The following OPCML variants were observed in gnomAD, a reference collection of about 807,000 sequenced individuals.
The protein encoded by OPCML is opioid binding protein/cell adhesion molecule like.
Under a neutral mutation model 37.8 loss-of-function variants are expected in OPCML, and 13 were observed. The ratio of observed to expected loss-of-function variants is 0.34; its 90% CI spans 0.22 to 0.55. The LOEUF (loss-of-function observed/expected upper bound fraction) is 0.55. Among genes scored for constraint, OPCML ranks in the 20% least tolerant of loss-of-function variants. OPCML has a pLI of 0.91. For synonymous variants in OPCML, 176 were observed against 168.8 expected, an observed-to-expected ratio of 1.04 and a Z score of -0.33; for missense variants, 341 against 435.6, an observed-to-expected ratio of 0.78 and a Z score of 1.93.
intron 3 of OPCML, among the ~76,000 whole-genome samples, chr11:132,623,977 T>C (rs991168187): frequency 1.3e-5 from 2 of 152,210 alleles, no homozygotes; most frequent in African/African-American, 2.4e-5. Context: ...ATTTAACATA[T>C]GTTGGTGCTC....
chr11:132,671,803 T>G (rs1350473478), intron 2 of OPCML, among the ~76,000 whole-genome samples: 2 of 144,794 alleles, frequency 1.4e-5, no homozygotes, highest in Non-Finnish European at 3.1e-5. Context: ...ATAAATAAGT[T>G]GAGAAAGAAA....
At chr11:132,455,470 G>A (rs923477715) in intron 4 of OPCML, among the ~76,000 whole-genome samples, 9 of 152,162 alleles carry the variant, frequency 5.9e-5, no homozygotes, top group Non-Finnish European at 1.3e-4. Flanking sequence ...AGGTTCCCGT[G>A]GGCAAAGGTT....
intron 1 of OPCML, among the ~76,000 whole-genome samples, chr11:133,325,092 C>T (rs1255637503): frequency 6.6e-6 from 1 of 152,162 alleles, no homozygotes; most frequent in Non-Finnish European, 1.5e-5. Flanking sequence ...AAGGTCTTGG[C>T]CTCAGTCCTT....
intron 1 of OPCML, among the ~76,000 whole-genome samples, chr11:133,050,392 G>A (rs1364599274): frequency 6.6e-6 from 1 of 152,124 alleles, no homozygotes; most frequent in Non-Finnish European, 1.5e-5. Context: ...TGCCTGTAAT[G>A]AGCAAATTAT....
chr11:133,336,336 C>A (rs1943743015), intron 1 of OPCML, among the ~76,000 whole-genome samples: 1 of 151,268 alleles, frequency 6.6e-6, no homozygotes, highest in African/African-American at 2.4e-5. Flanking sequence ...CTCTTTGGGT[C>A]TCACAGAATT....
chr11:133,458,286 A>G (rs1203386214), intron 1 of OPCML, among the ~76,000 whole-genome samples: 2 of 78,650 alleles, frequency 2.5e-5, no homozygotes, highest in Non-Finnish European at 4.1e-5. Flanking sequence ...ACACATATAT[A>G]CACGTGTGTG....
intron 1 of OPCML, among the ~76,000 whole-genome samples, chr11:133,051,603 C>T (rs1948132928): frequency 6.6e-6 from 1 of 152,222 alleles, no homozygotes; most frequent in Non-Finnish European, 1.5e-5. Flanking sequence ...CCCAGCAGCA[C>T]ATGGCTATCT....
At chr11:132,638,662 G>A (rs1279995283) in intron 3 of OPCML, among the ~76,000 whole-genome samples, 2 of 152,006 alleles carry the variant, frequency 1.3e-5, no homozygotes, top group East Asian at 3.9e-4. Flanking sequence ...TTAAATTGCT[G>A]ACTCCATCCA....
intron 1 of OPCML, among the ~76,000 whole-genome samples, chr11:133,455,661 G>A (rs532198465): frequency 6.6e-6 from 1 of 152,324 alleles, no homozygotes; most frequent in Non-Finnish European, 1.5e-5. Context: ...CAGGTACTAT[G>A]TAAAAGTGCT....
intron 7 of OPCML, among the ~76,000 whole-genome samples, chr11:132,431,297 C>T (rs2095996039): frequency 6.6e-6 from 1 of 152,236 alleles, no homozygotes. Flanking sequence ...TCTTGCTCTG[C>T]TTTTCTGTTT....
chr11:132,472,796 G>A (rs2096142177), intron 4 of OPCML, among the ~76,000 whole-genome samples: 1 of 152,238 alleles, frequency 6.6e-6, no homozygotes, highest in African/African-American at 2.4e-5. Flanking sequence ...AGGGGGCAGT[G>A]GAAGCATGGC....
chr11:132,469,582 T>C (rs1228223548), intron 4 of OPCML, among the ~76,000 whole-genome samples: 3 of 132,358 alleles, frequency 2.3e-5, no homozygotes, highest in Admixed American at 8.0e-5. Context: ...TATATGTGTA[T>C]GGATGTATGT....
At chr11:132,936,316 G>A (rs1466821478) in intron 2 of OPCML, among the ~76,000 whole-genome samples, 1 of 152,120 alleles carries the variant, frequency 6.6e-6, no homozygotes, top group African/African-American at 2.4e-5. Flanking sequence ...AAGCATAAAG[G>A]TCTTCTAGGA....
At chr11:132,497,664 T>C (rs960057153) in intron 4 of OPCML, among the ~76,000 whole-genome samples, 6 of 152,016 alleles carry the variant, frequency 3.9e-5, no homozygotes, top group African/African-American at 2.4e-5. Flanking sequence ...ATTTTCCCTA[T>C]GGTAAAGAAC....
At position 133,259,800 on chromosome 11, in the gene OPCML, C is replaced by T. The variant is rs540052864; in HGVS notation, c.61+272464G>A. 1.1e-4 allele frequency among the ~76,000 whole-genome samples: 16 copies of T among 152,320 alleles called. 1 individual carries two copies. The highest frequency in any genetic ancestry group is 3.8e-4 in the African/African-American group (16 of 41,572). On this transcript the variant is annotated intron_variant, in intron 1 of 7. Transcript: ENST00000524381. ...GATAAAGAGGACATCAATCAATGCT[C>T]TATGCCCTGGGAACATTTTTTGTAT...
At position 132,776,120 on chromosome 11, in the gene OPCML, G is replaced by A. The variant is rs146105075; in HGVS notation, c.147-118801C>T. Among the ~76,000 whole-genome samples the A allele has an allele frequency of 6.1e-3, 931 of 152,214 alleles. 8 individuals are homozygous for A. The highest frequency in any genetic ancestry group is 0.021 in the African/African-American group (874 of 41,510). On this transcript the variant is annotated intron_variant, in intron 2 of 7. Coordinates refer to ENST00000524381, the MANE Select transcript of OPCML (RefSeq NM_001012393.5). ...AAGTTTTGTATTTTTATTAAAGACAGGGTTTCACATGTTGGCCAGGCTGGC... is the reference window on the plus strand; with the variant it reads ...AAGTTTTGTATTTTTATTAAAGACAAGGTTTCACATGTTGGCCAGGCTGGC...
chr11:132,520,491 G>A (rs1464752021), intron 4 of OPCML, among the ~76,000 whole-genome samples: 1 of 151,978 alleles, frequency 6.6e-6, no homozygotes, highest in African/African-American at 2.4e-5. Context: ...TCTTATATAA[G>A]CATATATAGG....
At chr11:132,703,141 G>A (rs1943896529) in intron 2 of OPCML, among the ~76,000 whole-genome samples, 1 of 152,032 alleles carries the variant, frequency 6.6e-6, no homozygotes, top group Non-Finnish European at 1.5e-5. Flanking sequence ...ATTTTGTTGT[G>A]CAAACATTAT....
At chr11:133,070,635 G>A (rs757629254) in intron 1 of OPCML, among the ~76,000 whole-genome samples, 7 of 152,308 alleles carry the variant, frequency 4.6e-5, no homozygotes, top group Admixed American at 2.0e-4. Context: ...CTATTTAGAT[G>A]ATTTTTGGAA....
Sources: gnomAD v4.1 joint callset for allele counts (sites outside exome capture counted in the v4.1 genomes callset) on GRCh38, gnomAD v4.1.1 for gene constraint, MANE v1.5 for transcripts, NCBI Gene and HGNC (gene_info 2026-07-23, HGNC 2026-07-21) for gene names.